ADGRL3: variants seen among roughly 807,000 people sequenced by gnomAD.
ADGRL3 encodes adhesion G protein-coupled receptor L3.
In ADGRL3, 62 loss-of-function variants were observed where a neutral mutation model predicts 153.5. The observed-to-expected ratio is 0.40, with a 90% CI of 0.33 to 0.50. The LOEUF (loss-of-function observed/expected upper bound fraction) is 0.50, where lower values mean the gene tolerates loss of function less well. ADGRL3 is among the 20% of genes least tolerant of loss of function. The pLI, the probability that ADGRL3 is intolerant of heterozygous loss-of-function variation, is 0.47. For synonymous variants in ADGRL3, 710 were observed against 672.5 expected, an observed-to-expected ratio of 1.06 and a Z score of -0.86; for missense variants, 1,641 against 1,859.4, an observed-to-expected ratio of 0.88 and a Z score of 2.16.
At chr4:61,645,165 G>A (rs553981102) in intron 5 of ADGRL3, among the ~76,000 whole-genome samples, 3 of 151,972 alleles carry the variant, frequency 2.0e-5, no homozygotes, top group South Asian at 2.1e-4. Flanking sequence ...TTTTTATTTT[G>A]AGCCTATGTG....
intron 1 of ADGRL3, among the ~76,000 whole-genome samples, chr4:61,328,561 G>T (rs1391565595): frequency 2.0e-5 from 3 of 152,210 alleles, no homozygotes; most frequent in African/African-American, 7.2e-5. Context: ...TATTACAAGA[G>T]AAAATAGCTG....
intron 1 of ADGRL3, among the ~76,000 whole-genome samples, chr4:61,271,407 C>A (rs1339519508): frequency 2.6e-5 from 4 of 151,952 alleles, no homozygotes; most frequent in African/African-American, 9.6e-5. Flanking sequence ...GTACTTTAGA[C>A]CTTAAATGGA....
At position 61,603,215 on chromosome 4, in the gene ADGRL3, G is replaced by C. The variant is rs113027803; in HGVS notation, c.473+15775G>C. Among the ~76,000 whole-genome samples the C allele has an allele frequency of 4.4e-3, 667 of 152,186 alleles. 5 individuals are homozygous for C. Among genetic ancestry groups the C allele is most frequent in the African/African-American group, 0.015 (637 of 41,532 alleles). Reference sequence around the variant, plus strand: ...AGTAATTAACAGGAATAGAATTTTAGGGATTAGAGGCATTACCAACACTCC... The same window carrying C: ...AGTAATTAACAGGAATAGAATTTTACGGATTAGAGGCATTACCAACACTCC... On this transcript the variant is annotated intron_variant, in intron 5 of 26. Coordinates refer to ENST00000683033, the MANE Select transcript of ADGRL3 (RefSeq NM_001387552.1).
intron 4 of ADGRL3, among the ~76,000 whole-genome samples, chr4:61,518,913 T>C (rs1174543749): frequency 6.6e-6 from 1 of 152,216 alleles, no homozygotes; most frequent in African/African-American, 2.4e-5. Flanking sequence ...TGGATGGGCT[T>C]TTATTATTCC....
At chr4:61,641,226 T>A (rs562330965) in intron 5 of ADGRL3, among the ~76,000 whole-genome samples, 1 of 152,114 alleles carries the variant, frequency 6.6e-6, no homozygotes, top group Non-Finnish European at 1.5e-5. Flanking sequence ...TGATGCCTAC[T>A]TGGCACAGTG....
Position 61,880,791 on chromosome 4 carries a change from A to T in ADGRL3, c.1481-11865A>T, listed in dbSNP as rs184964571. On this transcript the variant is annotated intron_variant, in intron 9 of 26. Coordinates refer to ENST00000683033, the MANE Select transcript of ADGRL3 (RefSeq NM_001387552.1). ...GAATTCAGGAATCATTTATATGCCAATTATGCAGCTCTTTCTTTTTCGTTA... is the reference window on the plus strand; with the variant it reads ...GAATTCAGGAATCATTTATATGCCATTTATGCAGCTCTTTCTTTTTCGTTA... 3.6e-3 allele frequency among the ~76,000 whole-genome samples: 547 copies of T among 152,310 alleles called. 5 individuals are homozygous for T. Among genetic ancestry groups the T allele is most frequent in the African/African-American group, 0.013 (525 of 41,582 alleles).
chr4:61,824,431 A>G (rs1421381687), intron 9 of ADGRL3, among the ~76,000 whole-genome samples: 1 of 152,248 alleles, frequency 6.6e-6, no homozygotes, highest in African/African-American at 2.4e-5. Flanking sequence ...GTAAAATATT[A>G]AAATGTAATC....
At chr4:61,602,567 C>T (rs1200005270) in intron 5 of ADGRL3, among the ~76,000 whole-genome samples, 1 of 152,120 alleles carries the variant, frequency 6.6e-6, no homozygotes, top group Non-Finnish European at 1.5e-5. Context: ...TTGAGAAACC[C>T]TGCCTTAAGC....
intron 13 of ADGRL3, among the ~76,000 whole-genome samples, chr4:61,927,700 GACCTT>G (rs2098800235): frequency 6.6e-6 from 1 of 152,086 alleles, no homozygotes; most frequent in African/African-American, 2.4e-5. Flanking sequence ...TCTAACACTT[GACCTT>G]TACATTTTGA....
intron 9 of ADGRL3, among the ~76,000 whole-genome samples, chr4:61,857,057 C>CCTCTCTCT (rs1296514212): frequency 1.4e-5 from 2 of 145,160 alleles, no homozygotes; most frequent in Non-Finnish European, 3.0e-5. Flanking sequence ...TCCCTCCCTC[C>CCTCTCTCT]CTCTCTCTCT....
At chr4:62,006,003 CATAT>C (rs1217370949) in intron 21 of ADGRL3, among the ~76,000 whole-genome samples, 84 of 48,982 alleles carry the variant, frequency 1.7e-3, no homozygotes, top group African/African-American at 5.6e-3. Flanking sequence ...CACACACACA[CATAT>C]ATATATATAT....
At position 61,733,246 on chromosome 4, in the gene ADGRL3, G is replaced by A. The variant is rs1390649818; in HGVS notation, c.1091G>A (p.Arg364Gln). Reference protein sequence around the residue: ...VISQLNPYTLRIEGTWDTAYD... With the variant: ...VISQLNPYTLQIEGTWDTAYD... ...AGTCAATTGAACCCTTACACCCTAC[G>A]GATCGAAGGAACATGGGATACTGCA... Residue 364 changes from arginine to glutamine, a missense_variant, in exon 8 of 27, where the codon CGG (arginine) becomes CAG (glutamine). By Grantham distance (43) the Arg-to-Gln change is conservative. Transcript: ENST00000683033. The A allele has an allele frequency of 1.2e-6, 2 of 1,613,580 alleles. No individual in the cohort carries two copies. The highest frequency in any genetic ancestry group is 8.5e-7 in the Non-Finnish European group (1 of 1,179,778).
chr4:61,271,201 C>T (rs1379173625), intron 1 of ADGRL3, among the ~76,000 whole-genome samples: 2 of 151,854 alleles, frequency 1.3e-5, no homozygotes, highest in Non-Finnish European at 2.9e-5. Context: ...ATTTATATGT[C>T]TTGTAAATCT....
At chr4:61,839,781 C>T (rs1396530636) in intron 9 of ADGRL3, among the ~76,000 whole-genome samples, 1 of 149,922 alleles carries the variant, frequency 6.7e-6, no homozygotes, top group Non-Finnish European at 1.5e-5. Context: ...CCACCCCTCC[C>T]CCCGAAAAAA....
At chr4:61,219,913 A>G (rs62312879) in intron 1 of ADGRL3, among the ~76,000 whole-genome samples, 34,320 of 151,772 alleles carry the variant, frequency 0.23, 4,146 homozygotes, top group East Asian at 0.5. Flanking sequence ...TTTGAGACAA[A>G]CCTGGACAAC....
chr4:61,862,135 A>G (rs1581191892), intron 9 of ADGRL3, among the ~76,000 whole-genome samples: 1 of 152,204 alleles, frequency 6.6e-6, no homozygotes, highest in East Asian at 1.9e-4. Flanking sequence ...GGAAAATGGT[A>G]AGGTAGAGTG....
At chr4:61,308,516 C>T (rs2094884593) in intron 1 of ADGRL3, among the ~76,000 whole-genome samples, 1 of 152,168 alleles carries the variant, frequency 6.6e-6, no homozygotes, top group African/African-American at 2.4e-5. Context: ...CTTACTATGC[C>T]TAACCTATTT....
intron 8 of ADGRL3, among the ~76,000 whole-genome samples, chr4:61,751,762 T>C (rs1219947790): frequency 6.6e-6 from 1 of 152,196 alleles, no homozygotes; most frequent in East Asian, 1.9e-4. Flanking sequence ...GTTCTTAATT[T>C]TGATGTAAAC....
intron 2 of ADGRL3, among the ~76,000 whole-genome samples, chr4:61,432,578 C>CTT (rs752084643): frequency 0.18 from 541 of 3,052 alleles, 27 homozygotes; most frequent in Admixed American, 0.35. Flanking sequence ...CTCTTCCTTT[C>CTT]TTTCTTTCTT....
Sources: allele counts gnomAD v4.1 joint callset (sites outside exome capture counted in the v4.1 genomes callset), GRCh38; gene constraint gnomAD v4.1.1; transcripts MANE v1.5; gene names NCBI Gene and HGNC (gene_info 2026-07-23, HGNC 2026-07-21).